Variants in INSR observed in about 807,000 individuals in gnomAD.
INSR encodes IR.
In INSR, 67 loss-of-function variants were observed where a neutral mutation model predicts 142.6. That is an observed-to-expected ratio of 0.47 (90% CI 0.39 to 0.58). The LOEUF (loss-of-function observed/expected upper bound fraction) is 0.58. Ranked by LOEUF, INSR falls within the 20% of genes least tolerant of loss-of-function variation. The pLI is 0.00. For missense variants in INSR, 1,248 were observed against 1,833.2 expected (o/e 0.68, Z 5.83); for synonymous variants, 756 against 743.1 (o/e 1.02, Z -0.28).
intron 1 of INSR, among the ~76,000 whole-genome samples, chr19:7,286,835 C>T (rs1271796878): frequency 6.6e-6 from 1 of 151,810 alleles, no homozygotes; most frequent in Non-Finnish European, 1.5e-5. Context: ...AACCAGGCCA[C>T]CCCAAGAAGT....
At chr19:7,231,462 T>C (rs1425566500) in intron 2 of INSR, among the ~76,000 whole-genome samples, 2 of 151,554 alleles carry the variant, frequency 1.3e-5, no homozygotes, top group Non-Finnish European at 2.9e-5. Context: ...CACCACGCCC[T>C]GCTAATTTTT....
intron 2 of INSR, among the ~76,000 whole-genome samples, chr19:7,210,926 C>T (rs1169923114): frequency 1.3e-5 from 2 of 151,810 alleles, no homozygotes; most frequent in Non-Finnish European, 2.9e-5. Flanking sequence ...GACAGGGTTT[C>T]ACCATGTTGG....
chr19:7,154,148 G>A (rs375949885), intron 9 of INSR, among the ~76,000 whole-genome samples: 14 of 151,834 alleles, frequency 9.2e-5, no homozygotes, highest in Non-Finnish European at 1.9e-4. Flanking sequence ...GTGACAGAGC[G>A]AGACTCCGTC....
Position 7,236,823 on chromosome 19 carries a change from G to A in INSR, c.652+30522C>T, listed in dbSNP as rs185627904. Among the ~76,000 whole-genome samples, 445 of 151,652 alleles carry A rather than the reference G, an allele frequency of 2.9e-3. 2 individuals are homozygous for A. Among genetic ancestry groups the A allele is most frequent in the African/African-American group, 0.01 (424 of 41,360 alleles). On this transcript the variant is annotated intron_variant, in intron 2 of 21. Transcript: ENST00000302850. Reference sequence around the variant, plus strand: ...GGGCGGATCATGAGGTCAGGAGATCGAGACCATCCTGGCTAACACGGTGAA... The same window carrying A: ...GGGCGGATCATGAGGTCAGGAGATCAAGACCATCCTGGCTAACACGGTGAA...
chr19:7,120,091 T>C (rs1972453370), intron 20 of INSR, among the ~76,000 whole-genome samples: 1 of 152,030 alleles, frequency 6.6e-6, no homozygotes, highest in Non-Finnish European at 1.5e-5. Flanking sequence ...CTATTCAGAG[T>C]CCCCACTCTG....
chr19:7,255,933 T>A (rs866641024), intron 2 of INSR, among the ~76,000 whole-genome samples: 84 of 151,980 alleles, frequency 5.5e-4, no homozygotes, highest in African/African-American at 1.9e-3. Context: ...TCTCTGCCAC[T>A]CCAATCTGGA....
intron 9 of INSR, among the ~76,000 whole-genome samples, chr19:7,162,404 A>G (rs1423403317): frequency 2.0e-5 from 3 of 150,562 alleles, no homozygotes; most frequent in Admixed American, 6.7e-5. Flanking sequence ...CCAGCAACTC[A>G]TGAGGCTGAG....
At position 7,192,921 on chromosome 19, in the gene INSR, G is replaced by A. The variant is rs1195581905; in HGVS notation, c.653-8284C>T. On this transcript the variant is annotated intron_variant, in intron 2 of 21. Coordinates refer to ENST00000302850, the MANE Select transcript of INSR (RefSeq NM_000208.4). This position sits in a 1 kb window ranked among gnomAD's most constrained non-coding sequence, Gnocchi z 4.2. ...GGGACTAAAATCTAACTAAGTTGAC[G>A]GAGGAGAAAGGAGACCGCTGTGTCA... Among the ~76,000 whole-genome samples the A allele has an allele frequency of 1.3e-5, 2 of 152,032 alleles. No individual in the cohort carries two copies. The highest frequency in any genetic ancestry group is 2.9e-5 in the Non-Finnish European group (2 of 68,016).
At chr19:7,257,588 AT>A (rs1006705304) in intron 2 of INSR, among the ~76,000 whole-genome samples, 14 of 151,264 alleles carry the variant, frequency 9.3e-5, no homozygotes, top group Middle Eastern at 3.4e-3. Context: ...CTACTGTGGA[AT>A]TTTTTTCAGT....
chr19:7,122,268 C>T (rs946874705), intron 19 of INSR, among the ~76,000 whole-genome samples: 4 of 151,814 alleles, frequency 2.6e-5, no homozygotes, highest in Non-Finnish European at 5.9e-5. Flanking sequence ...ATGGATGAAA[C>T]CCCATCTCCA....
intron 3 of INSR, 106 bp from the exon 4 acceptor site, chr19:7,174,837 C>T: frequency 8.5e-7 from 1 of 1,178,228 alleles, no homozygotes; most frequent in Admixed American, 2.1e-5. Flanking sequence ...TATGGTATTT[C>T]TTTGTGTGTG....
intron 8 of INSR, among the ~76,000 whole-genome samples, chr19:7,164,692 G>A (rs1973848777): frequency 6.6e-6 from 1 of 151,016 alleles, no homozygotes; most frequent in African/African-American, 2.4e-5. Context: ...CAATCGTGGT[G>A]GTGCATGCAT....
In INSR at chr19:7,159,196, T is replaced by C. The variant is rs1190736353; in HGVS notation, c.2029+3836A>G. On this transcript the variant is annotated intron_variant, in intron 9 of 21. Transcript: ENST00000302850. The surrounding 1 kb of genome is among the most constrained non-coding windows in gnomAD (Gnocchi z 4.3). Reference sequence around the variant, plus strand: ...CTGGGATTACAGGCGTGAGCCACTGTGCCCGGTAAATCTCAACCATTTTAA... The same window carrying C: ...CTGGGATTACAGGCGTGAGCCACTGCGCCCGGTAAATCTCAACCATTTTAA... Among the ~76,000 whole-genome samples, 1 of 152,134 alleles carries C rather than the reference T, an allele frequency of 6.6e-6. No homozygotes were observed.
At chr19:7,293,682 C>G in intron 1 of INSR, 110 bp downstream of exon 1, 1 of 941,348 alleles carries the variant, frequency 1.1e-6, no homozygotes, top group Non-Finnish European at 1.4e-6. Context: ...CCACCGCCCC[C>G]CGCCCCTGGG....
intron 2 of INSR, among the ~76,000 whole-genome samples, chr19:7,223,766 G>T (rs192297537): frequency 9.9e-5 from 15 of 152,242 alleles, no homozygotes; most frequent in African/African-American, 3.6e-4. Flanking sequence ...AAAGATTGTT[G>T]TGAGGACCAT....
chr19:7,179,115 T>C (rs1334391194), intron 3 of INSR, among the ~76,000 whole-genome samples: 3 of 152,214 alleles, frequency 2.0e-5, no homozygotes, highest in African/African-American at 4.8e-5. Flanking sequence ...TCTCACTATG[T>C]TGTCCAGGCT....
intron 11 of INSR, among the ~76,000 whole-genome samples, chr19:7,146,236 CTTTTTTTTTTTT>C (rs35961932): frequency 9.0e-6 from 1 of 110,756 alleles, no homozygotes; most frequent in Non-Finnish European, 1.9e-5. Context: ...TTGTCAAGTT[CTTTTTTTTTTTT>C]TTTTTTTTTT....
chr19:7,236,401 T>G (rs1467433414), intron 2 of INSR, among the ~76,000 whole-genome samples: 1 of 152,214 alleles, frequency 6.6e-6, no homozygotes, highest in African/African-American at 2.4e-5. Flanking sequence ...GGTTTATGAA[T>G]AATAGCCAAA....
chr19:7,231,812 A>G (rs1291429372), intron 2 of INSR, among the ~76,000 whole-genome samples: 2 of 147,802 alleles, frequency 1.4e-5, no homozygotes, highest in Admixed American at 6.8e-5. Context: ...GAGTCTCACT[A>G]TGTTGCCCAG....
Sources: gnomAD v4.1 joint callset for allele counts (sites outside exome capture counted in the v4.1 genomes callset) on GRCh38, gnomAD v4.1.1 for gene constraint, Gnocchi (gnomAD v3.1) non-coding constraint, MANE v1.5 for transcripts, NCBI Gene and HGNC (gene_info 2026-07-23, HGNC 2026-07-21) for gene names.